The following CDH2 variants were observed in gnomAD, a reference collection of about 807,000 sequenced individuals.
CDH2 encodes the protein cadherin 2, also known as cadherin-2.
A neutral mutation model predicts 92.0 loss-of-function variants in CDH2; 17 were observed. The observed-to-expected ratio is 0.18, with a 90% CI of 0.13 to 0.28. The LOEUF is 0.28. CDH2 is among the 10% of genes least tolerant of loss of function. The pLI is 1.00. For synonymous variants in CDH2, 419 were observed against 415.9 expected (o/e 1.01, Z -0.09); for missense variants, 862 against 1,133.1 (o/e 0.76, Z 3.44).
At chr18:28,125,403 T>C (rs984645549) in intron 2 of CDH2, among the ~76,000 whole-genome samples, 2 of 152,026 alleles carry the variant, frequency 1.3e-5, no homozygotes, top group African/African-American at 4.8e-5. Context: ...AGATAGGAGA[T>C]GGAATGGAGT....
intron 6 of CDH2, among the ~76,000 whole-genome samples, chr18:27,937,929 G>C (rs1354889557): frequency 6.6e-6 from 1 of 151,974 alleles, no homozygotes; most frequent in Non-Finnish European, 1.5e-5. Flanking sequence ...ATATGATATG[G>C]TTTGAATATG....
intron 2 of CDH2, among the ~76,000 whole-genome samples, chr18:28,018,366 T>C (rs902272847): frequency 1.3e-5 from 2 of 152,124 alleles, no homozygotes; most frequent in African/African-American, 4.8e-5. Flanking sequence ...GCCACCATTA[T>C]TCTTCACAGA....
At chr18:28,160,235 C>A (rs970447660) in intron 1 of CDH2, among the ~76,000 whole-genome samples, 3 of 151,786 alleles carry the variant, frequency 2.0e-5, no homozygotes, top group Admixed American at 1.3e-4. Context: ...GCAGGATGCA[C>A]AGCGACCTTA....
chr18:28,106,114 G>A (rs2015315962), intron 2 of CDH2, among the ~76,000 whole-genome samples: 1 of 152,162 alleles, frequency 6.6e-6, no homozygotes, highest in Non-Finnish European at 1.5e-5. Context: ...AGCAAATGTG[G>A]GATAAGAAAG....
chr18:28,136,827 G>C (rs1029208610), intron 2 of CDH2, among the ~76,000 whole-genome samples: 5 of 152,106 alleles, frequency 3.3e-5, no homozygotes, highest in African/African-American at 1.2e-4. Context: ...TAATCTACCA[G>C]AATCACTCGG....
chr18:27,971,882 T>C (rs988807294), intron 14 of CDH2, among the ~76,000 whole-genome samples: 5 of 152,220 alleles, frequency 3.3e-5, no homozygotes, highest in Non-Finnish European at 7.3e-5. Flanking sequence ...AGAATAAATT[T>C]ATAAAGCGAT....
At chr18:28,150,707 T>C (rs11083253) in intron 1 of CDH2, among the ~76,000 whole-genome samples, 71,585 of 152,000 alleles carry the variant, frequency 0.47, 18,764 homozygotes, top group Middle Eastern at 0.73. Flanking sequence ...ACTACTAATA[T>C]TAAATATCCA....
At chr18:28,066,834 T>C (rs569850409) in intron 2 of CDH2, among the ~76,000 whole-genome samples, 1 of 152,148 alleles carries the variant, frequency 6.6e-6, no homozygotes, top group Non-Finnish European at 1.5e-5. Context: ...TTTATGTATA[T>C]ACTCCTCCAA....
chr18:28,164,202 A>C (rs2016345931), intron 1 of CDH2, among the ~76,000 whole-genome samples: 1 of 152,182 alleles, frequency 6.6e-6, no homozygotes, highest in Non-Finnish European at 1.5e-5. Context: ...AATACATATC[A>C]AACCTAGATA....
intron 2 of CDH2, among the ~76,000 whole-genome samples, chr18:28,108,990 C>T (rs1282158937): frequency 6.6e-6 from 1 of 152,080 alleles, no homozygotes; most frequent in Non-Finnish European, 1.5e-5. Context: ...AATACTTTGA[C>T]AACACAACAG....
chr18:28,002,145 G>A (rs1235665809), intron 7 of CDH2, among the ~76,000 whole-genome samples: 4 of 152,188 alleles, frequency 2.6e-5, no homozygotes, highest in African/African-American at 4.8e-5. Flanking sequence ...CAGGAGTGGG[G>A]TTTTCAGGAA....
Position 27,985,733 on chromosome 18 carries a change from C to T in CDH2, c.1770G>A (p.Thr590=), listed in dbSNP as rs776062607. Residue 590 remains threonine (T), a synonymous_variant, in exon 12 of 16, where the codon ACG becomes ACA. Coordinates refer to ENST00000269141, the MANE Select transcript of CDH2 (RefSeq NM_001792.5). ...NGIPPMSGTG[T]LQIYLLDIND... is the part of the protein sequence containing the mutation. Reference sequence around the variant, plus strand: ...TAATATCAAGTAAATAGATCTGCAGCGTTCCTGTTCCACTCATAGGAGGAA... The same window carrying T: ...TAATATCAAGTAAATAGATCTGCAGTGTTCCTGTTCCACTCATAGGAGGAA... 6.2e-6 allele frequency: 10 copies of T among 1,610,594 alleles called. No individual in the cohort carries two copies. Among genetic ancestry groups the T allele is most frequent in the Admixed American group, 1.7e-5 (1 of 59,878 alleles).
chr18:27,934,629 A>G (rs755499847), intron 6 of CDH2, among the ~76,000 whole-genome samples: 27 of 152,170 alleles, frequency 1.8e-4, no homozygotes, highest in Non-Finnish European at 1.6e-4. Flanking sequence ...ACATCCTATT[A>G]ATATTAACAT....
chr18:28,118,541 G>T (rs2144266994), intron 2 of CDH2, among the ~76,000 whole-genome samples: 1 of 151,822 alleles, frequency 6.6e-6, no homozygotes, highest in South Asian at 2.1e-4. Context: ...TGTTGTTGTT[G>T]TTTTATAATG....
chr18:28,129,116 A>G (rs1039809665), intron 2 of CDH2, among the ~76,000 whole-genome samples: 8 of 152,216 alleles, frequency 5.3e-5, no homozygotes, highest in Non-Finnish European at 8.8e-5. Flanking sequence ...TGATATATGC[A>G]AACAGGCCTT....
chr18:28,152,197 GAGCAAATCGATTCTCACA>G (rs1160000058), intron 1 of CDH2, among the ~76,000 whole-genome samples: 5 of 152,094 alleles, frequency 3.3e-5, no homozygotes, highest in Admixed American at 1.3e-4. Flanking sequence ...TTTTGCTAAT[GAGCAAATCGATTCTCACA>G]CAGAGGTACA....
At chr18:28,081,910 A>C (rs546714715) in intron 2 of CDH2, among the ~76,000 whole-genome samples, 1 of 152,288 alleles carries the variant, frequency 6.6e-6, no homozygotes, top group South Asian at 2.1e-4. Flanking sequence ...TATATAACAT[A>C]AGCCGGCAAG....
intron 7 of CDH2, among the ~76,000 whole-genome samples, chr18:27,996,543 T>C (rs548749501): frequency 6.6e-6 from 1 of 152,288 alleles, no homozygotes; most frequent in African/African-American, 2.4e-5. Context: ...GGAAGAGCTG[T>C]TTGTGTCCTC....
At chr18:28,139,207 A>AT (rs2015913315) in intron 2 of CDH2, among the ~76,000 whole-genome samples, 1 of 152,026 alleles carries the variant, frequency 6.6e-6, no homozygotes. Flanking sequence ...AAAAACGCAG[A>AT]TTTTTAAAAC....
Sources: gnomAD v4.1 joint callset for allele counts (sites outside exome capture counted in the v4.1 genomes callset) on GRCh38, gnomAD v4.1.1 for gene constraint, MANE v1.5 for transcripts, NCBI Gene and HGNC (gene_info 2026-07-23, HGNC 2026-07-21) for gene names.